The following PBX1 variants were observed in gnomAD, a reference collection of about 807,000 sequenced individuals.
PBX1 encodes PBX homeobox 1.
Under a neutral mutation model 53.4 loss-of-function variants are expected in PBX1, and 6 were observed. The ratio of observed to expected loss-of-function variants is 0.11; its 90% CI spans 0.06 to 0.22. PBX1 has a LOEUF of 0.22. Among genes scored for constraint, PBX1 ranks in the 10% least tolerant of loss-of-function variants. The pLI is 1.00. For synonymous variants in PBX1, 204 were observed against 212.3 expected (o/e 0.96, Z 0.34); for missense variants, 251 against 551.4 (o/e 0.46, Z 5.46).
chr1:164,635,474 G>A (rs1658703694), intron 2 of PBX1, among the ~76,000 whole-genome samples: 1 of 152,334 alleles, frequency 6.6e-6, no homozygotes, highest in South Asian at 2.1e-4. Flanking sequence ...CTCTTTCAGT[G>A]CAGCTTAGCC....
intron 2 of PBX1, among the ~76,000 whole-genome samples, chr1:164,618,056 A>G (rs1409302848): frequency 6.6e-6 from 1 of 152,202 alleles, no homozygotes; most frequent in Non-Finnish European, 1.5e-5. Context: ...ATTTGCAAAG[A>G]GCAGAGATCA....
intron 2 of PBX1, among the ~76,000 whole-genome samples, chr1:164,721,964 T>C (rs1188075888): frequency 6.6e-6 from 1 of 152,140 alleles, no homozygotes; most frequent in Non-Finnish European, 1.5e-5. Flanking sequence ...GTGAAAGAAA[T>C]AGAAAATAAA....
At chr1:164,868,530 A>G (rs538260357) in intron 2 of PBX1, among the ~76,000 whole-genome samples, 77 of 152,320 alleles carry the variant, frequency 5.1e-4, no homozygotes, top group Middle Eastern at 3.4e-3. Flanking sequence ...TGCAAGCAGC[A>G]TGGTCCAAGG....
chr1:164,703,607 G>A (rs543167849), intron 2 of PBX1, among the ~76,000 whole-genome samples: 15 of 152,288 alleles, frequency 9.8e-5, no homozygotes, highest in African/African-American at 2.4e-4. Context: ...CAGCCCAGGC[G>A]TACATGTGAC....
chr1:164,807,741 C>T (rs763878412), intron 5 of PBX1, 64 bp downstream of exon 5: 2 of 1,565,778 alleles, frequency 1.3e-6, no homozygotes, highest in African/African-American at 1.4e-5. Flanking sequence ...GGGGCAGGCT[C>T]TTAGAGGTCT....
intron 2 of PBX1, among the ~76,000 whole-genome samples, chr1:164,751,580 C>CT (rs776504167): frequency 0.079 from 11,212 of 141,784 alleles, 841 homozygotes; most frequent in African/African-American, 0.17. Context: ...TTATTGCCCC[C>CT]CTTTTTTTTT....
At chr1:164,618,017 G>A (rs1028457845) in intron 2 of PBX1, among the ~76,000 whole-genome samples, 2 of 151,974 alleles carry the variant, frequency 1.3e-5, no homozygotes, top group Non-Finnish European at 2.9e-5. Context: ...TCTTTCCAGC[G>A]GCCTATGCTG....
chr1:164,792,926 T>TA (rs1262286263), intron 3 of PBX1, among the ~76,000 whole-genome samples, 188 bp downstream of exon 3: 4 of 152,154 alleles, frequency 2.6e-5, no homozygotes. Context: ...TCTCAACTGT[T>TA]AAAAACCTAG....
intron 2 of PBX1, among the ~76,000 whole-genome samples, chr1:164,602,078 G>A (rs1284340062): frequency 6.6e-6 from 1 of 152,194 alleles, no homozygotes. Context: ...CCAGAAAAGA[G>A]GGAGTTCAAG....
intron 2 of PBX1, among the ~76,000 whole-genome samples, chr1:164,614,372 G>C (rs1184449536): frequency 6.6e-6 from 1 of 152,142 alleles, no homozygotes; most frequent in Non-Finnish European, 1.5e-5. Flanking sequence ...GTATCTAGCT[G>C]TGCTGCCGTC....
downstream of PBX1, among the ~76,000 whole-genome samples, chr1:164,855,437 A>G (rs2102436335): frequency 6.6e-6 from 1 of 151,850 alleles, no homozygotes; most frequent in East Asian, 1.9e-4. Flanking sequence ...CCCCCTCCAA[A>G]GTTAAATTAA....
chr1:164,614,172 G>C (rs932895660), intron 2 of PBX1, among the ~76,000 whole-genome samples: 5 of 152,150 alleles, frequency 3.3e-5, no homozygotes. Flanking sequence ...GGTCCTCCTT[G>C]TGTGTGGAAG....
chr1:164,845,662 A>G (rs1243997057), intron 8 of PBX1, among the ~76,000 whole-genome samples: 1 of 152,216 alleles, frequency 6.6e-6, no homozygotes, highest in South Asian at 2.1e-4. Flanking sequence ...AGGGGTGGTT[A>G]CTAAACAGAT....
In PBX1 at chr1:164,559,419, C is replaced by G; in HGVS notation, c.-404C>G. On this transcript the variant is annotated 5_prime_UTR_variant, in exon 1 of 9. Coordinates refer to ENST00000420696, the MANE Select transcript of PBX1 (RefSeq NM_002585.4). The stretch of plus-strand genomic sequence containing the variant: ...CTTTCTCCCGATCAATGCATATTTG[C>G]AAAAGGATTAAGCCACAGATTTAAG... The G allele has an allele frequency of 4.2e-6, 1 of 240,256 alleles. No homozygotes were observed. Among genetic ancestry groups the G allele is most frequent in the Non-Finnish European group, 8.1e-6 (1 of 123,226 alleles). 14.9% of individuals were successfully genotyped at this position (240,256 alleles called of 1,614,324 possible).
Position 164,851,594 on chromosome 1 carries a change from C to G in PBX1, c.*4918C>G, listed in dbSNP as rs1671843759. 5.3e-6 allele frequency: 1 copy of G among 186,972 alleles called. No individual in the cohort carries two copies. The highest frequency in any genetic ancestry group is 1.1e-5 in the Non-Finnish European group (1 of 88,746). The allele number at this position is 186,972 out of a possible 1,614,324, so 11.6% of individuals were successfully genotyped here. On this transcript the variant is annotated 3_prime_UTR_variant, in exon 9 of 9. Coordinates refer to ENST00000420696, the MANE Select transcript of PBX1 (RefSeq NM_002585.4). ...CTTTGGTTGTTGGTTTTATTCTCCC[C>G]CTACCCCTCCCCTTTTCTTATTATT...
rs74878918 is a variant in PBX1, at chr1:164,646,966, G to A, written c.265+83655G>A. Among the ~76,000 whole-genome samples, 260 of 152,290 alleles carry A rather than the reference G, an allele frequency of 1.7e-3. 1 individual carries two copies. The highest frequency in any genetic ancestry group is 0.017 in the Middle Eastern group (5 of 294). On this transcript the variant is annotated intron_variant, in intron 2 of 8. Transcript: ENST00000420696. ...GTCTGGTCTGCAGGGCATGGCCCTC[G>A]GAAGAGTGTGGAGATGTCCCAGGAC...
Position 164,559,797 on chromosome 1 carries a change from G to C in PBX1, c.-26G>C. On this transcript the variant is annotated 5_prime_UTR_variant, in exon 1 of 9. Transcript: ENST00000420696. ...CGAGCCGAGGAGCAGAAGAGGAAGAGCCGGGGGCTGCCGTAGCCTTTGGAG... is the reference window on the plus strand; with the variant it reads ...CGAGCCGAGGAGCAGAAGAGGAAGACCCGGGGGCTGCCGTAGCCTTTGGAG... The C allele has an allele frequency of 2.6e-6, 4 of 1,524,678 alleles. No individual in the cohort carries two copies. Among genetic ancestry groups the C allele is most frequent in the Middle Eastern group, 4.6e-4 (2 of 4,358 alleles). 94.4% of individuals were successfully genotyped at this position (1,524,678 alleles called of 1,614,324 possible).
chr1:164,884,267 A>G lies in PBX1; in HGVS notation n.258-14921A>G, dbSNP rs1209341912. ...CTCCATTGAACTATTCCTAATATTT[A>G]TCATGGAGATTTTTTTCCATATTAT... is the stretch of plus-strand genomic sequence containing the variant. On this transcript the variant is annotated intron_variant and non_coding_transcript_variant, in intron 2 of 2. Transcript: ENST00000558796. 3.3e-5 allele frequency among the ~76,000 whole-genome samples: 5 copies of G among 152,236 alleles called. No individual in the cohort carries two copies. In the East Asian group the frequency reaches 9.6e-4, roughly 29 times the overall value.
chr1:164,792,045 G>C (rs151061435), intron 2 of PBX1, among the ~76,000 whole-genome samples: 1,601 of 152,076 alleles, frequency 0.011, 32 homozygotes, highest in African/African-American at 0.036. Context: ...GGATGGTCTC[G>C]ATCTCCTGAC....
Sources: gnomAD v4.1 joint callset for allele counts (sites outside exome capture counted in the v4.1 genomes callset) on GRCh38, gnomAD v4.1.1 for gene constraint, MANE v1.5 for transcripts, NCBI Gene and HGNC (gene_info 2026-07-23, HGNC 2026-07-21) for gene names.